Variants in PDZRN4 observed in about 807,000 individuals in gnomAD.
PDZRN4 encodes PDZ domain containing ring finger 4.
A neutral mutation model predicts 99.0 loss-of-function variants in PDZRN4; 70 were observed. That is an observed-to-expected ratio of 0.71 (90% confidence interval 0.58 to 0.86). The LOEUF (loss-of-function observed/expected upper bound fraction) is 0.86, where lower values mean the gene tolerates loss of function less well. Ranked by LOEUF, PDZRN4 falls within the 40% of genes least tolerant of loss-of-function variation. The pLI is 0.00. For synonymous variants in PDZRN4, 551 were observed against 501.6 expected (o/e 1.10, Z -1.32); for missense variants, 1,474 against 1,331.2 (o/e 1.11, Z -1.67).
intron 5 of PDZRN4, 129 bp from the exon 6 acceptor site, chr12:41,552,527 T>A: frequency 1.8e-6 from 1 of 566,138 alleles, no homozygotes; most frequent in Non-Finnish European, 3.0e-6. Flanking sequence ...AAAAAAAAAG[T>A]TAATTTCCAA....
chr12:41,469,908 T>G (rs546423138), intron 3 of PDZRN4, among the ~76,000 whole-genome samples: 7 of 151,932 alleles, frequency 4.6e-5, no homozygotes, highest in Non-Finnish European at 1.0e-4. Context: ...CCAGCCTGGG[T>G]GACAGAGCGA....
At chr12:41,492,500 G>C (rs1056184056) in intron 3 of PDZRN4, among the ~76,000 whole-genome samples, 2 of 152,146 alleles carry the variant, frequency 1.3e-5, no homozygotes, top group Non-Finnish European at 1.5e-5. Context: ...GCAAGGAAGA[G>C]CGTGTTTTAA....
chr12:41,438,485 G>A (rs1952650964), intron 3 of PDZRN4, among the ~76,000 whole-genome samples: 1 of 152,072 alleles, frequency 6.6e-6, no homozygotes, highest in African/African-American at 2.4e-5. Context: ...TTTGTGCTTT[G>A]GTTTAAGAGG....
At chr12:41,341,244 T>C (rs2121015050) in intron 3 of PDZRN4, among the ~76,000 whole-genome samples, 1 of 151,782 alleles carries the variant, frequency 6.6e-6, no homozygotes, top group Non-Finnish European at 1.5e-5. Flanking sequence ...GACAAACCTG[T>C]AGCTAACATC....
intron 3 of PDZRN4, among the ~76,000 whole-genome samples, chr12:41,366,356 T>G (rs984465363): frequency 1.3e-5 from 2 of 152,094 alleles, no homozygotes; most frequent in Non-Finnish European, 2.9e-5. Flanking sequence ...ACAGAACAAT[T>G]TATCTTGATA....
chr12:41,382,812 C>A (rs759142244), intron 3 of PDZRN4, among the ~76,000 whole-genome samples: 3 of 152,124 alleles, frequency 2.0e-5, no homozygotes, highest in Admixed American at 2.0e-4. Flanking sequence ...AGCACAAGAA[C>A]GTGTTAAGAA....
chr12:41,349,497 T>A (rs1951876113), intron 3 of PDZRN4, among the ~76,000 whole-genome samples: 1 of 151,992 alleles, frequency 6.6e-6, no homozygotes. Flanking sequence ...ATGTCTCCAT[T>A]ATAAAATAGG....
chr12:41,392,869 A>C (rs998107896), intron 3 of PDZRN4, among the ~76,000 whole-genome samples: 1 of 152,142 alleles, frequency 6.6e-6, no homozygotes, highest in Middle Eastern at 3.2e-3. Flanking sequence ...AAAATATTCT[A>C]AGTTTATAAT....
intron 3 of PDZRN4, among the ~76,000 whole-genome samples, chr12:41,359,673 C>A (rs370106730): frequency 6.6e-6 from 1 of 151,470 alleles, no homozygotes; most frequent in Non-Finnish European, 1.5e-5. Flanking sequence ...CCATATATGA[C>A]GTGGCTTTGC....
chr12:41,541,205 C>T (rs933805587), intron 5 of PDZRN4, among the ~76,000 whole-genome samples: 1 of 151,960 alleles, frequency 6.6e-6, no homozygotes, highest in Admixed American at 6.6e-5. Flanking sequence ...GCTGGGAATA[C>T]GGGTGTGAGC....
chr12:41,440,865 C>G (rs1952673450), intron 3 of PDZRN4, among the ~76,000 whole-genome samples: 1 of 152,068 alleles, frequency 6.6e-6, no homozygotes, highest in Non-Finnish European at 1.5e-5. Context: ...GTAATGGGAA[C>G]AATGTCCTTC....
At chr12:41,358,654 G>A (rs7310743) in intron 3 of PDZRN4, among the ~76,000 whole-genome samples, 56,725 of 151,800 alleles carry the variant, frequency 0.37, 10,676 homozygotes, top group Non-Finnish European at 0.39. Context: ...TGCCACAGCT[G>A]TAAATCACTC....
At chr12:41,503,910 G>A (rs950632051) in intron 3 of PDZRN4, among the ~76,000 whole-genome samples, 1 of 152,074 alleles carries the variant, frequency 6.6e-6, no homozygotes, top group East Asian at 1.9e-4. Context: ...CCACTATTAG[G>A]GATTCCTCTT....
At chr12:41,493,898 T>A (rs575026593) in intron 3 of PDZRN4, among the ~76,000 whole-genome samples, 28 of 87,514 alleles carry the variant, frequency 3.2e-4, no homozygotes, top group African/African-American at 8.7e-4. Flanking sequence ...ATTAAAAAAA[T>A]AATGGGGGGG....
intron 3 of PDZRN4, among the ~76,000 whole-genome samples, chr12:41,329,170 C>T (rs1951728162): frequency 1.3e-5 from 2 of 152,070 alleles, no homozygotes; most frequent in Non-Finnish European, 2.9e-5. Flanking sequence ...GGTATTATAG[C>T]TTGATGTTCA....
intron 3 of PDZRN4, among the ~76,000 whole-genome samples, chr12:41,341,188 A>T (rs1238190282): frequency 6.6e-6 from 1 of 151,770 alleles, no homozygotes; most frequent in Non-Finnish European, 1.5e-5. Context: ...CTCTTAAAAA[A>T]TTAGGTATGG....
intron 5 of PDZRN4, among the ~76,000 whole-genome samples, chr12:41,546,639 G>T (rs1209990880): frequency 1.3e-5 from 2 of 151,858 alleles, no homozygotes; most frequent in Non-Finnish European, 2.9e-5. Flanking sequence ...AAAAATAAAG[G>T]TTATTTTAAA....
rs1313070170 is a variant in PDZRN4 at position 41,194,171 on chromosome 12, C to T, written c.826C>T (p.His276Tyr). 14 of 1,496,342 alleles carry T rather than the reference C, an allele frequency of 9.4e-6. No individual in the cohort carries two copies. The highest frequency in any genetic ancestry group is 1.4e-5 in the African/African-American group (1 of 72,630). The allele number at this position is 1,496,342 out of a possible 1,614,324, so 92.7% of individuals were successfully genotyped here. A position where few individuals can be genotyped will look rare whatever the true frequency, so the allele number is the denominator to read the frequency against. ...PADRADGLEI[H>Y]DKIMEVNGKD... Reference sequence around the variant, plus strand: ...TGACAGAGCAGATGGCCTGGAGATTCATGACAAAATCATGGAGGTAAGACA... The same window carrying T: ...TGACAGAGCAGATGGCCTGGAGATTTATGACAAAATCATGGAGGTAAGACA... Residue 276 changes from histidine to tyrosine, a missense_variant, in exon 3 of 10, where the codon CAT becomes TAT. Transcript: ENST00000402685.
At chr12:41,541,917 C>G (rs1938864799) in intron 5 of PDZRN4, among the ~76,000 whole-genome samples, 1 of 152,150 alleles carries the variant, frequency 6.6e-6, no homozygotes, top group Non-Finnish European at 1.5e-5. Context: ...TTTTGCCTTT[C>G]TGAAGTGAAT....
Sources: gnomAD v4.1 joint callset for allele counts (sites outside exome capture counted in the v4.1 genomes callset) on GRCh38, gnomAD v4.1.1 for gene constraint, MANE v1.5 for transcripts, NCBI Gene and HGNC (gene_info 2026-07-23, HGNC 2026-07-21) for gene names.